Variants in CYTH1 observed in about 807,000 individuals in gnomAD.
CYTH1 encodes cytohesin-1.
A neutral mutation model predicts 61.8 loss-of-function variants in CYTH1; 18 were observed. That is an observed-to-expected ratio of 0.29 (90% CI 0.20 to 0.43). CYTH1 has a LOEUF of 0.43. Among genes scored for constraint, CYTH1 ranks in the 20% least tolerant of loss-of-function variants. CYTH1 has a pLI of 1.00. For missense variants in CYTH1, 336 were observed against 510.5 expected (o/e 0.66, Z 3.29); for synonymous variants, 174 against 184.3 (o/e 0.94, Z 0.45).
At position 78,700,447 on chromosome 17, in the gene CYTH1, A is replaced by G. The variant is rs201260494; in HGVS notation, c.438-4T>C. 757 of 1,610,184 alleles carry G rather than the reference A, an allele frequency of 4.7e-4. 5 individuals are homozygous for G. The African/African-American group carries it at 6.5e-3, about 14-fold the overall frequency. On this transcript the variant is annotated splice_region_variant and splice_polypyrimidine_tract_variant and intron_variant, in intron 6 of 13. Transcript: ENST00000446868. The surrounding 1 kb of genome is among the most constrained non-coding windows in gnomAD (Gnocchi z 5.1). Reference sequence around the variant, plus strand: ...CCGGAAGCTCCACAGGAACTGCCTGAGTGGGTAAAGACAGAGTGTTCCAGA... The same window carrying G: ...CCGGAAGCTCCACAGGAACTGCCTGGGTGGGTAAAGACAGAGTGTTCCAGA...
chr17:78,745,613 G>T (rs1466122877), intron 1 of CYTH1, among the ~76,000 whole-genome samples: 1 of 152,202 alleles, frequency 6.6e-6, no homozygotes, highest in East Asian at 1.9e-4. Context: ...CCATTACCTG[G>T]CTGGGCGCAG....
At chr17:78,719,865 A>G (rs1345211623) in intron 1 of CYTH1, among the ~76,000 whole-genome samples, 1 of 152,200 alleles carries the variant, frequency 6.6e-6, no homozygotes, top group Admixed American at 6.5e-5. Flanking sequence ...TACTTTGGGA[A>G]ACCAATTAAG....
At chr17:78,745,213 A>T (rs556604168) in intron 1 of CYTH1, among the ~76,000 whole-genome samples, 54 of 152,256 alleles carry the variant, frequency 3.5e-4, no homozygotes, top group Non-Finnish European at 2.2e-4. Context: ...GGTTCAAGTA[A>T]TTGCTACTTT....
rs1477802558 is a variant in CYTH1 at position 78,717,228 on chromosome 17, C to T, written c.23-7496G>A. ...GCAGCCTGAGCACAATGGAGACAAA[C>T]CAGAGGGGGAGCCGCCCTGACACAC... On this transcript the variant is annotated intron_variant, in intron 1 of 13. Coordinates refer to ENST00000446868, the MANE Select transcript of CYTH1 (RefSeq NM_004762.6). This position sits in a 1 kb window ranked among gnomAD's most constrained non-coding sequence, Gnocchi z 4.4. Among the ~76,000 whole-genome samples, 4 of 152,152 alleles carry T rather than the reference C, an allele frequency of 2.6e-5. No individual in the cohort carries two copies. The highest frequency in any genetic ancestry group is 5.9e-5 in the Non-Finnish European group (4 of 68,024).
chr17:78,699,599 T>A (rs1288679468), intron 7 of CYTH1, among the ~76,000 whole-genome samples: 1 of 152,214 alleles, frequency 6.6e-6, no homozygotes, highest in East Asian at 1.9e-4. Context: ...AATCCCACTA[T>A]CTAGCAATAA....
At chr17:78,776,598 G>A (rs2093492078) in intron 1 of CYTH1, among the ~76,000 whole-genome samples, 2 of 148,466 alleles carry the variant, frequency 1.3e-5, no homozygotes, top group Non-Finnish European at 3.0e-5. Flanking sequence ...GGCAGAGGGT[G>A]CAGTAAGCCA....
intron 1 of CYTH1, among the ~76,000 whole-genome samples, chr17:78,711,310 T>TAAATA (rs1390507304): frequency 1.4e-5 from 2 of 143,698 alleles, no homozygotes; most frequent in African/African-American, 5.5e-5. Context: ...ATAATATATA[T>TAAATA]ATATACACAC....
chr17:78,750,088 G>A (rs934634667), intron 1 of CYTH1, among the ~76,000 whole-genome samples: 5 of 152,298 alleles, frequency 3.3e-5, no homozygotes, highest in Non-Finnish European at 7.4e-5. Context: ...TGGGTGCACA[G>A]AGTGGCATCA....
chr17:78,687,159 T>C (rs1038005270), intron 11 of CYTH1, among the ~76,000 whole-genome samples: 5 of 152,082 alleles, frequency 3.3e-5, no homozygotes, highest in African/African-American at 9.7e-5. Flanking sequence ...CAACTCACCA[T>C]GATGTAGAAT....
rs1418736455 is a variant in CYTH1 at position 78,700,656 on chromosome 17, C to T, written c.438-213G>A. Reference sequence around the variant, plus strand: ...CTTCTGCCTCAGCCTCCCGAGTAGCCGGGACTACAGGCACACGCCACCATG... The same window carrying T: ...CTTCTGCCTCAGCCTCCCGAGTAGCTGGGACTACAGGCACACGCCACCATG... On this transcript the variant is annotated intron_variant, in intron 6 of 13. Coordinates refer to ENST00000446868, the MANE Select transcript of CYTH1 (RefSeq NM_004762.6). This position sits in a 1 kb window ranked among gnomAD's most constrained non-coding sequence, Gnocchi z 5.1. 2.6e-5 allele frequency among the ~76,000 whole-genome samples: 4 copies of T among 151,874 alleles called. No individual in the cohort carries two copies. Among genetic ancestry groups the T allele is most frequent in the Admixed American group, 2.6e-4 (4 of 15,240 alleles).
Position 78,704,451 on chromosome 17 carries a change from CAT to C in CYTH1, c.171-1849_171-1848del, listed in dbSNP as rs368130989. ...TAAAATGTTATTGCCTTAAAGAACA[CAT>C]GTGTTCTCTAGCTAAATCCATGGAG... On this transcript the variant is annotated intron_variant, in intron 3 of 13. Coordinates refer to ENST00000446868, the MANE Select transcript of CYTH1 (RefSeq NM_004762.6). Among the ~76,000 whole-genome samples, 74 of 152,286 alleles carry C rather than the reference CAT, an allele frequency of 4.9e-4. 2 individuals are homozygous for C. In the East Asian group the frequency reaches 9.6e-3, roughly 20 times the overall value.
In CYTH1 at chr17:78,700,252, T is replaced by A; in HGVS notation, c.550+79A>T. 1 of 1,283,726 alleles carries A rather than the reference T, an allele frequency of 7.8e-7. No individual in the cohort carries two copies. Among genetic ancestry groups the A allele is most frequent in the Non-Finnish European group, 1.1e-6 (1 of 936,592 alleles). The allele number at this position is 1,283,726 out of a possible 1,614,324, so 79.5% of individuals were successfully genotyped here. On this transcript the variant is annotated intron_variant, in intron 7 of 13. Coordinates refer to ENST00000446868, the MANE Select transcript of CYTH1 (RefSeq NM_004762.6). The surrounding 1 kb of genome is among the most constrained non-coding windows in gnomAD (Gnocchi z 5.1). ...CTAGGCATGAATCTCAGCCCTTTTG[T>A]TTTAGAAATTATCTGGTGCCAAGAA...
intron 1 of CYTH1, among the ~76,000 whole-genome samples, chr17:78,779,642 G>A (rs541909160): frequency 1.4e-4 from 21 of 152,254 alleles, no homozygotes; most frequent in East Asian, 7.7e-4. Context: ...CTTAATAAGA[G>A]GGAGGTAGGA....
At chr17:78,719,376 A>G (rs2144521292) in intron 1 of CYTH1, among the ~76,000 whole-genome samples, 1 of 152,322 alleles carries the variant, frequency 6.6e-6, no homozygotes, top group South Asian at 2.1e-4. Flanking sequence ...CTATAGGATA[A>G]GAAGGCAGTG....
At chr17:78,782,169 AG>A (rs1420238647) in intron 1 of CYTH1, 32 bp downstream of exon 1, 5 of 1,355,314 alleles carry the variant, frequency 3.7e-6, no homozygotes, top group Admixed American at 2.8e-5. Context: ...GGGGACAGCG[AG>A]GGGGAAGCGT....
intron 1 of CYTH1, among the ~76,000 whole-genome samples, chr17:78,775,585 T>G (rs1018801787): frequency 2.0e-5 from 3 of 152,202 alleles, no homozygotes; most frequent in Non-Finnish European, 4.4e-5. Flanking sequence ...TAGTTCTACC[T>G]TTCCTGCTTT....
rs546248450 is a variant in CYTH1, at chr17:78,675,633, A to T, written c.*458T>A. 0.024 allele frequency: 2,493 copies of T among 103,700 alleles called. 58 individuals carry two copies. Among genetic ancestry groups the T allele is most frequent in the African/African-American group, 0.15 (2,208 of 15,026 alleles). 6.4% of individuals were successfully genotyped at this position (103,700 alleles called of 1,614,324 possible). ...CTGAACAGCCCTACGTTCTCTCTTAAAAAAAAAAAAATAGATCTTTATAGT... is the reference window on the plus strand; with the variant it reads ...CTGAACAGCCCTACGTTCTCTCTTATAAAAAAAAAAATAGATCTTTATAGT... On this transcript the variant is annotated 3_prime_UTR_variant, in exon 14 of 14. Coordinates refer to ENST00000446868, the MANE Select transcript of CYTH1 (RefSeq NM_004762.6).
In CYTH1 at chr17:78,702,074, G is replaced by A. The variant is rs117927698; in HGVS notation, c.356+48C>T. On this transcript the variant is annotated intron_variant, in intron 5 of 13. Coordinates refer to ENST00000446868, the MANE Select transcript of CYTH1 (RefSeq NM_004762.6). ...ATTTGGGAGTTTGTTTCTTTGTGTCGTTCCTGAACAGCCTTCCCTAGCATG... is the reference window on the plus strand; with the variant it reads ...ATTTGGGAGTTTGTTTCTTTGTGTCATTCCTGAACAGCCTTCCCTAGCATG... The A allele has an allele frequency of 4.8e-4, 696 of 1,443,164 alleles. 2 individuals are homozygous for A. The highest frequency in any genetic ancestry group is 4.2e-3 in the Middle Eastern group (21 of 4,996). 89.4% of individuals were successfully genotyped at this position (1,443,164 alleles called of 1,614,324 possible).
At chr17:78,698,217 C>T in intron 9 of CYTH1, 52 bp downstream of exon 9, 5 of 1,458,970 alleles carry the variant, frequency 3.4e-6, no homozygotes, top group Non-Finnish European at 4.8e-6. Context: ...ACACACACCG[C>T]CTTTCTTCCT....
Sources: allele counts gnomAD v4.1 joint callset (sites outside exome capture counted in the v4.1 genomes callset), GRCh38; gene constraint gnomAD v4.1.1; non-coding constraint Gnocchi (gnomAD v3.1); transcripts MANE v1.5; gene names NCBI Gene and HGNC (gene_info 2026-07-23, HGNC 2026-07-21).